Variants in CAMSAP2 observed in about 807,000 individuals in gnomAD.
The protein encoded by CAMSAP2 is calmodulin regulated spectrin associated protein family member 2, also known as calmodulin-regulated spectrin-associated protein 2.
In CAMSAP2, 26 loss-of-function variants were observed where a neutral mutation model predicts 146.1. That is an observed-to-expected ratio of 0.18 (90% CI 0.13 to 0.25). CAMSAP2 has a LOEUF of 0.25. CAMSAP2 is among the 10% of genes least tolerant of loss of function. CAMSAP2 has a pLI of 1.00. For missense variants in CAMSAP2, 1,381 were observed against 1,759.3 expected, an observed-to-expected ratio of 0.78 and a Z score of 3.85; for synonymous variants, 499 against 596.6, an observed-to-expected ratio of 0.84 and a Z score of 2.38.
chr1:200,778,222 C>T (rs951100553), intron 2 of CAMSAP2, among the ~76,000 whole-genome samples: 9 of 152,024 alleles, frequency 5.9e-5, no homozygotes, highest in Admixed American at 5.2e-4. Flanking sequence ...GAGGTATTAG[C>T]GAATGTTTTA....
intron 9 of CAMSAP2, 125 bp from the exon 10 acceptor site, chr1:200,847,515 C>A: frequency 1.2e-6 from 1 of 811,578 alleles, no homozygotes; most frequent in South Asian, 1.6e-5. Flanking sequence ...ATCTCTAATT[C>A]TCCTTATGTA....
intron 2 of CAMSAP2, among the ~76,000 whole-genome samples, chr1:200,762,050 CAA>C (rs1664815717): frequency 6.6e-6 from 1 of 152,108 alleles, no homozygotes; most frequent in African/African-American, 2.4e-5. Flanking sequence ...TCGATTAAAT[CAA>C]AGAGTAGTAG....
chr1:200,756,335 C>T (rs956904104), intron 1 of CAMSAP2, among the ~76,000 whole-genome samples: 2 of 152,000 alleles, frequency 1.3e-5, no homozygotes, highest in African/African-American at 2.4e-5. Flanking sequence ...TACCTGTAGT[C>T]CCAGCTACTC....
At chr1:200,800,374 ATAGT>A (rs547669493) in intron 2 of CAMSAP2, among the ~76,000 whole-genome samples, 256 of 152,164 alleles carry the variant, frequency 1.7e-3, no homozygotes, top group African/African-American at 6.1e-3. Context: ...TATATTTAGG[ATAGT>A]TAGTTCTTCT....
At chr1:200,831,630 GTT>G (rs546429195) in intron 4 of CAMSAP2, among the ~76,000 whole-genome samples, 2 of 139,388 alleles carry the variant, frequency 1.4e-5, no homozygotes. Flanking sequence ...AGTTGGAAGG[GTT>G]TTTTTTTTTT....
intron 1 of CAMSAP2, among the ~76,000 whole-genome samples, chr1:200,742,764 A>G (rs1041832676): frequency 2.6e-5 from 4 of 152,190 alleles, no homozygotes; most frequent in East Asian, 3.8e-4. Flanking sequence ...CTGAAAAAGT[A>G]GTCAATTTTA....
intron 2 of CAMSAP2, among the ~76,000 whole-genome samples, chr1:200,804,653 C>T (rs1280052610): frequency 6.6e-6 from 1 of 152,090 alleles, no homozygotes; most frequent in Non-Finnish European, 1.5e-5. Flanking sequence ...GACAGGATCC[C>T]TGCTCTCCAG....
At chr1:200,747,135 G>A (rs900988195) in intron 1 of CAMSAP2, among the ~76,000 whole-genome samples, 2 of 152,108 alleles carry the variant, frequency 1.3e-5, no homozygotes, top group East Asian at 1.9e-4. Context: ...CTGTATTCAA[G>A]CACTTTTCCT....
In CAMSAP2 at chr1:200,760,999, T is replaced by C. The variant is rs746019467; in HGVS notation, c.300T>C (p.His100=). The C allele has an allele frequency of 1.3e-5, 21 of 1,614,172 alleles. 1 individual carries two copies. In the South Asian group the frequency reaches 2.2e-4, roughly 17 times the overall value. Residue 100 remains histidine (H), a synonymous_variant, in exon 2 of 17, where the codon CAT becomes CAC. Coordinates refer to ENST00000358823, the MANE Select transcript of CAMSAP2 (RefSeq NM_203459.4). The part of the protein sequence containing the change: ...KSDAAKPLLG[H]DAVIQALAQK... ...ATGCTGCAAAACCCCTTTTGGGCCA[T>C]GATGCTGTAATCCAGGCTTTAGCAC...
intron 8 of CAMSAP2, 85 bp downstream of exon 8, chr1:200,844,954 T>C: frequency 1.5e-6 from 1 of 663,220 alleles, no homozygotes; most frequent in Non-Finnish European, 2.4e-6. Flanking sequence ...TTAAATAAGG[T>C]TTTTAAGAAT....
intron 2 of CAMSAP2, among the ~76,000 whole-genome samples, chr1:200,775,368 C>G (rs1315071483): frequency 6.6e-6 from 1 of 152,076 alleles, no homozygotes; most frequent in Non-Finnish European, 1.5e-5. Context: ...AAGTGAAGCT[C>G]TATAAGCCAG....
intron 4 of CAMSAP2, among the ~76,000 whole-genome samples, chr1:200,817,183 C>CACGTGTGTGTAT (rs1666600555): frequency 3.0e-5 from 2 of 66,322 alleles, no homozygotes; most frequent in Admixed American, 1.5e-4. Flanking sequence ...TATATACACA[C>CACGTGTGTGTAT]ACACACATGT....
rs749715722 is a variant in CAMSAP2, at chr1:200,739,799, C to T, written c.-29C>T. ...GGCCACGCCATGTGAAGGTTAGGGC[C>T]GGGACATCCCGAGGAGCCGCGGTGA... On this transcript the variant is annotated 5_prime_UTR_variant, in exon 1 of 17. Coordinates refer to ENST00000358823, the MANE Select transcript of CAMSAP2 (RefSeq NM_203459.4). This position sits in a 1 kb window ranked among gnomAD's most constrained non-coding sequence, Gnocchi z 4.8. 2.5e-6 allele frequency: 4 copies of T among 1,608,988 alleles called. No homozygotes were observed. Among genetic ancestry groups the T allele is most frequent in the Non-Finnish European group, 3.4e-6 (4 of 1,177,380 alleles).
chr1:200,842,016 C>T lies in CAMSAP2; in HGVS notation c.950C>T (p.Ala317Val). The change falls in exon 7 of 17, where the codon GCG (alanine) becomes GTG (valine). Residue 317 changes from alanine (A) to valine (V), a missense_variant. Ala to Val is a moderately conservative substitution (Grantham distance 64). Coordinates refer to ENST00000358823, the MANE Select transcript of CAMSAP2 (RefSeq NM_203459.4). The stretch of plus-strand genomic sequence containing the variant: ...TAGAGTAATTATTTGGTGTTCATGG[C>T]GGAACTGTTCTGGTGGTTTGAAGTG... ...SIKSNYLVFM[A>V]ELFWWFEVVK... 1.9e-6 allele frequency: 3 copies of T among 1,613,448 alleles called. No homozygotes were observed. Among genetic ancestry groups the T allele is most frequent in the Non-Finnish European group, 2.5e-6 (3 of 1,179,498 alleles).
intron 7 of CAMSAP2, among the ~76,000 whole-genome samples, 184 bp from the exon 8 acceptor site, chr1:200,844,598 T>A (rs1667413387): frequency 6.6e-6 from 1 of 152,106 alleles, no homozygotes; most frequent in African/African-American, 2.4e-5. Context: ...TCTGAATACT[T>A]CAAAAAGATC....
intron 2 of CAMSAP2, among the ~76,000 whole-genome samples, chr1:200,803,027 A>G (rs1666075830): frequency 6.6e-6 from 1 of 152,088 alleles, no homozygotes; most frequent in Non-Finnish European, 1.5e-5. Context: ...TTTTTCTTCC[A>G]TAACCAGCCT....
At chr1:200,828,681 A>G (rs1347672722) in intron 4 of CAMSAP2, 1 of 1,338,178 alleles carries the variant, frequency 7.5e-7, no homozygotes, top group Non-Finnish European at 1.0e-6. Flanking sequence ...TCTTGCTGTT[A>G]AAGTCATTTC....
intron 1 of CAMSAP2, among the ~76,000 whole-genome samples, chr1:200,759,432 C>T (rs1664739858): frequency 2.0e-5 from 3 of 152,070 alleles, no homozygotes; most frequent in Admixed American, 2.0e-4. Context: ...GCACCTGTCA[C>T]CATGCCTAGC....
intron 2 of CAMSAP2, among the ~76,000 whole-genome samples, chr1:200,783,593 C>A (rs995678632): frequency 5.9e-5 from 9 of 152,234 alleles, no homozygotes; most frequent in African/African-American, 2.2e-4. Context: ...ATCAATCCTC[C>A]CTCTTCAGCC....
Sources: gnomAD v4.1 joint callset for allele counts (sites outside exome capture counted in the v4.1 genomes callset) on GRCh38, gnomAD v4.1.1 for gene constraint, Gnocchi (gnomAD v3.1) non-coding constraint, MANE v1.5 for transcripts, NCBI Gene and HGNC (gene_info 2026-07-23, HGNC 2026-07-21) for gene names.